The following PICK1 variants were observed in gnomAD, a reference collection of about 807,000 sequenced individuals.
PICK1 encodes protein interacting with PRKCA 1.
A neutral mutation model predicts 48.9 loss-of-function variants in PICK1; 23 were observed. That is an observed-to-expected ratio of 0.47 (90% CI 0.34 to 0.67). The LOEUF (loss-of-function observed/expected upper bound fraction) is 0.67. Ranked by LOEUF, PICK1 falls within the 30% of genes least tolerant of loss-of-function variation. The pLI is 0.01. For synonymous variants in PICK1, 217 were observed against 228.2 expected, an observed-to-expected ratio of 0.95 and a Z score of 0.44; for missense variants, 423 against 557.1, an observed-to-expected ratio of 0.76 and a Z score of 2.42.
Position 38,074,248 on chromosome 22 carries a change from A to G in PICK1, c.835-59A>G. 6.3e-7 allele frequency: 1 copy of G among 1,592,140 alleles called. No homozygotes were observed. On this transcript the variant is annotated intron_variant, in intron 11 of 12. Transcript: ENST00000356976. This position sits in a 1 kb window ranked among gnomAD's most constrained non-coding sequence, Gnocchi z 4.5. The stretch of plus-strand genomic sequence containing the variant: ...AATGAAGAACAGCCGTGGCTTTGAA[A>G]GCACAGTGCGGTGCGAGGCCGTCCC...
intron 4 of PICK1, among the ~76,000 whole-genome samples, chr22:38,067,307 C>CTTT (rs33993578): frequency 0.015 from 1,710 of 110,602 alleles, 98 homozygotes; most frequent in African/African-American, 0.049. Flanking sequence ...GCTTAGGATT[C>CTTT]TTTTTTTTTT....
intron 3 of PICK1, among the ~76,000 whole-genome samples, chr22:38,062,081 G>A (rs1238035214): frequency 6.6e-6 from 1 of 152,152 alleles, no homozygotes. Context: ...CTCTTGCGGA[G>A]CCCTCATTCT....
chr22:38,057,681 A>G, intron 1 of PICK1, 72 bp from the exon 2 acceptor site: 1 of 758,454 alleles, frequency 1.3e-6, no homozygotes, highest in Middle Eastern at 2.3e-4. Context: ...GAGGTGGTGG[A>G]GGGAGGGGTG....
In PICK1 at chr22:38,067,709, G is replaced by A. The variant is rs774355038; in HGVS notation, c.288G>A (p.Glu96=). 7.4e-6 allele frequency: 12 copies of A among 1,613,726 alleles called. No homozygotes were observed. Among genetic ancestry groups the A allele is most frequent in the South Asian group, 5.5e-5 (5 of 91,072 alleles). The change falls in exon 5 of 13, where the codon GAG becomes GAA. Residue 96 remains glutamate, a synonymous_variant. Coordinates refer to ENST00000356976, the MANE Select transcript of PICK1 (RefSeq NM_012407.4). ...TGTGTGTGCTGCTCTTCCAGGGGGA[G>A]GTGACCATCCACTACAACAAGCTGC... is the stretch of plus-strand genomic sequence containing the variant. The part of the protein sequence containing the change: ...VAKMIQEVKG[E]VTIHYNKLQA...
At chr22:38,059,514 CCT>C (rs780938989) in intron 3 of PICK1, among the ~76,000 whole-genome samples, 169 bp downstream of exon 3, 2 of 152,188 alleles carry the variant, frequency 1.3e-5, no homozygotes, top group African/African-American at 2.4e-5. Context: ...TGTCTTCTCC[CCT>C]GTGTCGCTCT....
chr22:38,064,774 C>A (rs1050385846), intron 3 of PICK1, among the ~76,000 whole-genome samples: 3 of 152,106 alleles, frequency 2.0e-5, no homozygotes, highest in Admixed American at 1.3e-4. Context: ...AAAAAGAAAT[C>A]ATTTGACTAT....
intron 3 of PICK1, among the ~76,000 whole-genome samples, chr22:38,064,367 T>G (rs1229335086): frequency 6.6e-6 from 1 of 152,180 alleles, no homozygotes; most frequent in Non-Finnish European, 1.5e-5. Context: ...CTTGAGTTAA[T>G]TTTTGTATGT....
chr22:38,067,669 C>G, intron 4 of PICK1, 35 bp from the exon 5 acceptor site: 9 of 1,592,730 alleles, frequency 5.7e-6, no homozygotes, highest in Non-Finnish European at 7.8e-6. Context: ...GGGTGTGGAG[C>G]CTCGCTCACT....
chr22:38,073,934 C>A lies in PICK1; in HGVS notation c.834+111C>A. Reference sequence around the variant, plus strand: ...GACCGGGGGGACTTGGCTGGACTCTCGTTCCTGGAGATTTAGGGCCATCTT... The same window carrying A: ...GACCGGGGGGACTTGGCTGGACTCTAGTTCCTGGAGATTTAGGGCCATCTT... On this transcript the variant is annotated intron_variant, in intron 11 of 12. Coordinates refer to ENST00000356976, the MANE Select transcript of PICK1 (RefSeq NM_012407.4). This position sits in a 1 kb window ranked among gnomAD's most constrained non-coding sequence, Gnocchi z 5.7. 1 of 1,119,896 alleles carries A rather than the reference C, an allele frequency of 8.9e-7. No individual in the cohort carries two copies. The highest frequency in any genetic ancestry group is 1.3e-5 in the South Asian group (1 of 79,742). 69.4% of individuals were successfully genotyped at this position (1,119,896 alleles called of 1,614,324 possible).
At chr22:38,062,637 T>C (rs1288112920) in intron 3 of PICK1, among the ~76,000 whole-genome samples, 1 of 151,992 alleles carries the variant, frequency 6.6e-6, no homozygotes, top group African/African-American at 2.4e-5. Context: ...TTCCCCCATC[T>C]TGGGGGTCCC....
chr22:38,065,462 C>G (rs1395320246), intron 4 of PICK1, among the ~76,000 whole-genome samples: 2 of 152,180 alleles, frequency 1.3e-5, no homozygotes, highest in Admixed American at 6.5e-5. Flanking sequence ...AGAGCTGAAG[C>G]TAAAAGTCCA....
intron 2 of PICK1, among the ~76,000 whole-genome samples, chr22:38,058,664 C>T (rs1173823557): frequency 6.6e-6 from 1 of 152,140 alleles, no homozygotes; most frequent in Non-Finnish European, 1.5e-5. Context: ...TGCTCATCCA[C>T]ATTTTATGGA....
rs1238474660 is a variant in PICK1, at chr22:38,057,804, G to A, written c.-6G>A. On this transcript the variant is annotated 5_prime_UTR_variant, in exon 2 of 13. Coordinates refer to ENST00000356976, the MANE Select transcript of PICK1 (RefSeq NM_012407.4). ...AGTTAGCCAGCCCACTCCAACTCTC[G>A]GAACCATGTTTGCAGACTTGGATTA... 2.5e-6 allele frequency: 4 copies of A among 1,613,674 alleles called. No homozygotes were observed. The highest frequency in any genetic ancestry group is 2.2e-5 in the South Asian group (2 of 91,082).
At chr22:38,067,102 G>A (rs1569199516) in intron 4 of PICK1, among the ~76,000 whole-genome samples, 1 of 152,184 alleles carries the variant, frequency 6.6e-6, no homozygotes, top group East Asian at 1.9e-4. Context: ...TGTGGTTTGC[G>A]TGGGGAGGGA....
In PICK1 at chr22:38,057,473, T is replaced by G; in HGVS notation, c.-172T>G. On this transcript the variant is annotated 5_prime_UTR_variant, in exon 1 of 13. Coordinates refer to ENST00000356976, the MANE Select transcript of PICK1 (RefSeq NM_012407.4). ...TACCAGCCTGGCCGGGACCCGGCTGTGGGACCAACGCTTCCGGTGAGCGAC... is the reference window on the plus strand; with the variant it reads ...TACCAGCCTGGCCGGGACCCGGCTGGGGGACCAACGCTTCCGGTGAGCGAC... 2.6e-6 allele frequency: 1 copy of G among 380,388 alleles called. No homozygotes were observed. The highest frequency in any genetic ancestry group is 3.9e-5 in the Admixed American group (1 of 25,770). 23.6% of individuals were successfully genotyped at this position (380,388 alleles called of 1,614,324 possible).
rs1356135658 is a variant in PICK1 at position 38,073,028 on chromosome 22, A to G, written c.719A>G (p.Asn240Ser). The G allele has an allele frequency of 3.7e-6, 6 of 1,613,760 alleles. 1 individual carries two copies. The highest frequency in any genetic ancestry group is 1.3e-5 in the African/African-American group (1 of 74,928). ...CTGACGGATCTGAACACGTACCTCA[A>G]CAAAGCCATCCCGGACACTCGCCTC... ...PMLTDLNTYL[N>S]KAIPDTRLTI... is the part of the protein sequence containing the mutation. The change falls in exon 10 of 13, where the codon AAC becomes AGC. Residue 240 changes from asparagine (N) to serine (S), a missense_variant. Asn to Ser is a conservative substitution (Grantham distance 46). Around this residue, in one of 2 missense-constraint regions of PICK1, gnomAD observed 279 missense variants for 417.8 expected, o/e 0.67. Transcript: ENST00000356976. This position sits in a 1 kb window ranked among gnomAD's most constrained non-coding sequence, Gnocchi z 5.7.
Position 38,071,703 on chromosome 22 carries a change from ACCT to A in PICK1, c.519_521del (p.Leu174del). ...ACAGGGATGACGGAACACACCAAGA[ACCT>A]CCTACGGGCCTTTTATGAGCTGTCG... On this transcript the variant is annotated inframe_deletion, in exon 8 of 13. Coordinates refer to ENST00000356976, the MANE Select transcript of PICK1 (RefSeq NM_012407.4). 6.2e-7 allele frequency: 1 copy of A among 1,613,408 alleles called. No homozygotes were observed. Among genetic ancestry groups the A allele is most frequent in the Non-Finnish European group, 8.5e-7 (1 of 1,179,918 alleles).
chr22:38,070,958 C>T (rs1460009522), intron 7 of PICK1, 67 bp downstream of exon 7: 41 of 1,302,346 alleles, frequency 3.1e-5, no homozygotes, highest in Non-Finnish European at 4.3e-5. Context: ...AGCAGAGTGG[C>T]AACAGGGGTG....
intron 5 of PICK1, 38 bp from the exon 6 acceptor site, chr22:38,068,995 C>T: frequency 6.5e-7 from 1 of 1,544,564 alleles, no homozygotes; most frequent in East Asian, 2.3e-5. Context: ...GGCCTCTGGG[C>T]AGCCACAGAC....
Sources: gnomAD v4.1 joint callset for allele counts (sites outside exome capture counted in the v4.1 genomes callset) on GRCh38, gnomAD v4.1.1 for gene constraint, gnomAD v4.1.1 regional missense constraint, Gnocchi (gnomAD v3.1) non-coding constraint, MANE v1.5 for transcripts, NCBI Gene and HGNC (gene_info 2026-07-23, HGNC 2026-07-21) for gene names.